The following ITPR1 variants were observed in gnomAD, a reference collection of about 807,000 sequenced individuals.
ITPR1 encodes the protein inositol 1,4,5-trisphosphate receptor type 1, also known as inositol 1,4,5-trisphosphate-gated calcium channel ITPR1.
A neutral mutation model predicts 318.4 loss-of-function variants in ITPR1; 96 were observed. The observed-to-expected ratio is 0.30, with a 90% CI of 0.26 to 0.36. ITPR1 has a LOEUF of 0.36. Ranked by LOEUF, ITPR1 falls within the 10% of genes least tolerant of loss-of-function variation. The pLI is 1.00. For synonymous variants in ITPR1, 1,312 were observed against 1,289.9 expected, an observed-to-expected ratio of 1.02 and a Z score of -0.37; for missense variants, 2,440 against 3,460.2, an observed-to-expected ratio of 0.71 and a Z score of 7.40.
rs558096687 is a variant in ITPR1, at chr3:4,826,431, G to A, written c.8028+8189G>A. ...ATTCCCAGAATGCCCCCTGAAGTTA[G>A]CTGGCACCACGGCAGAGTCAAGAAT... is the stretch of plus-strand genomic sequence containing the variant. On this transcript the variant is annotated intron_variant, in intron 60 of 61. Coordinates refer to ENST00000649015, the MANE Select transcript of ITPR1 (RefSeq NM_001378452.1). This position sits in a 1 kb window ranked among gnomAD's most constrained non-coding sequence, Gnocchi z 4.2. Among the ~76,000 whole-genome samples, 1 of 152,338 alleles carries A rather than the reference G, an allele frequency of 6.6e-6. No homozygotes were observed. Among genetic ancestry groups the A allele is most frequent in the East Asian group, 1.9e-4 (1 of 5,176 alleles).
chr3:4,581,104 T>C (rs189402168), intron 4 of ITPR1, among the ~76,000 whole-genome samples: 11 of 152,300 alleles, frequency 7.2e-5, no homozygotes, highest in Middle Eastern at 3.4e-3. Context: ...TTTCACATAC[T>C]GATAAAAAAT....
chr3:4,765,977 C>T (rs560939250), intron 44 of ITPR1, among the ~76,000 whole-genome samples: 28 of 152,316 alleles, frequency 1.8e-4, no homozygotes, highest in African/African-American at 6.3e-4. Flanking sequence ...CTCACCAGCT[C>T]TGAGCATTTA....
intron 4 of ITPR1, among the ~76,000 whole-genome samples, chr3:4,602,334 A>C (rs2091350141): frequency 9.2e-5 from 14 of 152,106 alleles, no homozygotes; most frequent in Admixed American, 9.2e-4. Flanking sequence ...AGCCTAGGCA[A>C]CATGGCAAAA....
intron 50 of ITPR1, 109 bp from the exon 51 acceptor site, chr3:4,783,707 C>A: frequency 2.2e-6 from 2 of 910,918 alleles, no homozygotes; most frequent in Non-Finnish European, 3.5e-6. Flanking sequence ...TGCCCTTTGG[C>A]TTGCTGCTGG....
At chr3:4,524,306 T>TG (rs2082800497) in intron 4 of ITPR1, among the ~76,000 whole-genome samples, 1 of 148,866 alleles carries the variant, frequency 6.7e-6, no homozygotes, top group African/African-American at 2.5e-5. Context: ...TTGACGTTTT[T>TG]TTTTTTTTTT....
At chr3:4,724,909 C>T (rs866425576) in intron 40 of ITPR1, among the ~76,000 whole-genome samples, 5 of 152,238 alleles carry the variant, frequency 3.3e-5, no homozygotes, top group African/African-American at 9.6e-5. Context: ...TCAAGGGAAA[C>T]GCATGGGGTG....
At chr3:4,815,906 A>G (rs913070684) in intron 59 of ITPR1, among the ~76,000 whole-genome samples, 2 of 152,130 alleles carry the variant, frequency 1.3e-5, no homozygotes, top group African/African-American at 4.8e-5. Context: ...GTTATAGAAA[A>G]GACATGACTA....
Position 4,683,784 on chromosome 3 carries a change from C to T in ITPR1, c.3484C>T (p.His1162Tyr), listed in dbSNP as rs751978872. 6.2e-7 allele frequency: 1 copy of T among 1,613,634 alleles called. No homozygotes were observed. The highest frequency in any genetic ancestry group is 8.5e-7 in the Non-Finnish European group (1 of 1,179,658). Reference protein sequence around the residue: ...TMDGASGENEHKKTEEGNNKP... With the variant: ...TMDGASGENEYKKTEEGNNKP... ...GGATGGTGCATCTGGAGAAAATGAA[C>T]ATAAGAAAACGGAGGTGAGTGAAAC... Residue 1162 changes from histidine to tyrosine, a missense_variant, in exon 28 of 62, where the codon CAT (histidine) becomes TAT (tyrosine). Around this residue, in one of 23 missense-constraint regions of ITPR1, gnomAD observed 86 missense variants for 75.6 expected, o/e 1.14. Coordinates refer to ENST00000649015, the MANE Select transcript of ITPR1 (RefSeq NM_001378452.1).
chr3:4,723,809 G>A (rs903755762), intron 40 of ITPR1, among the ~76,000 whole-genome samples: 1 of 152,040 alleles, frequency 6.6e-6, no homozygotes, highest in Non-Finnish European at 1.5e-5. Flanking sequence ...ATGCTGTAGT[G>A]GGAGGGTTTC....
At chr3:4,751,938 G>C (rs888020789) in intron 44 of ITPR1, among the ~76,000 whole-genome samples, 1 of 152,074 alleles carries the variant, frequency 6.6e-6, no homozygotes, top group East Asian at 1.9e-4. Flanking sequence ...TCCTTTTCAC[G>C]GAGAAATCTA....
chr3:4,758,457 C>T (rs1337065641), intron 44 of ITPR1, among the ~76,000 whole-genome samples: 4 of 152,222 alleles, frequency 2.6e-5, no homozygotes, highest in Admixed American at 6.5e-5. Flanking sequence ...CTAGAATGGT[C>T]TGGTGGCCCA....
intron 44 of ITPR1, among the ~76,000 whole-genome samples, chr3:4,743,050 T>C (rs1156704851): frequency 6.6e-6 from 1 of 152,260 alleles, no homozygotes; most frequent in African/African-American, 2.4e-5. Flanking sequence ...CTAATAGTAA[T>C]GAGAGACATT....
chr3:4,757,284 T>C (rs182894566), intron 44 of ITPR1, among the ~76,000 whole-genome samples: 1 of 152,192 alleles, frequency 6.6e-6, no homozygotes, highest in African/African-American at 2.4e-5. Flanking sequence ...ATGGTTTTGT[T>C]AATAATTTAT....
chr3:4,612,166 ATTCTCCTGCCTCAGCC>A (rs2092164464), intron 4 of ITPR1, among the ~76,000 whole-genome samples: 2 of 149,566 alleles, frequency 1.3e-5, no homozygotes, highest in African/African-American at 4.9e-5. Context: ...TGTTCAAGCA[ATTCTCCTGCCTCAGCC>A]TCCCGAGTAG....
At chr3:4,743,398 C>T (rs1445721363) in intron 44 of ITPR1, among the ~76,000 whole-genome samples, 1 of 152,276 alleles carries the variant, frequency 6.6e-6, no homozygotes, top group Non-Finnish European at 1.5e-5. Flanking sequence ...GTTCCCACAA[C>T]TCTGCCCTGG....
intron 4 of ITPR1, among the ~76,000 whole-genome samples, chr3:4,551,179 T>G (rs951740798): frequency 6.6e-6 from 1 of 152,240 alleles, no homozygotes; most frequent in Non-Finnish European, 1.5e-5. Flanking sequence ...GTGCCTTTTC[T>G]GCAACATGTG....
rs1425037399 is a variant in ITPR1 at position 4,578,999 on chromosome 3, T to G, written c.164-48764T>G. On this transcript the variant is annotated intron_variant, in intron 4 of 61. Transcript: ENST00000649015. ...AGAACAAAAATTCCATTGACCCATG[T>G]GATATTGCTGATTTTGCTTCCAGGC... is the stretch of plus-strand genomic sequence containing the variant. 4.6e-5 allele frequency among the ~76,000 whole-genome samples: 7 copies of G among 152,152 alleles called. No homozygotes were observed. In the East Asian group the frequency reaches 1.3e-3, roughly 29 times the overall value.
chr3:4,554,109 C>A (rs747034518), intron 4 of ITPR1, among the ~76,000 whole-genome samples: 1 of 152,178 alleles, frequency 6.6e-6, no homozygotes, highest in Non-Finnish European at 1.5e-5. Flanking sequence ...GTATTATGTT[C>A]ATTACTTCAT....
intron 46 of ITPR1, among the ~76,000 whole-genome samples, chr3:4,772,619 T>C (rs994822728): frequency 6.6e-6 from 1 of 152,242 alleles, no homozygotes; most frequent in Non-Finnish European, 1.5e-5. Context: ...AAGCACAGAC[T>C]TGAAGTCTTC....
Sources: allele counts gnomAD v4.1 joint callset (sites outside exome capture counted in the v4.1 genomes callset), GRCh38; gene constraint gnomAD v4.1.1; regional missense constraint gnomAD v4.1.1; non-coding constraint Gnocchi (gnomAD v3.1); transcripts MANE v1.5; gene names NCBI Gene and HGNC (gene_info 2026-07-23, HGNC 2026-07-21).